The following TCF4 variants were observed in gnomAD, a reference collection of about 807,000 sequenced individuals.
The protein encoded by TCF4 is transcription factor 4.
Under a neutral mutation model 82.1 loss-of-function variants are expected in TCF4, and 3 were observed. The observed-to-expected ratio is 0.04, with a 90% CI of 0.02 to 0.09. The LOEUF (loss-of-function observed/expected upper bound fraction) is 0.09. Among genes scored for constraint, TCF4 ranks in the 10% least tolerant of loss-of-function variants. TCF4 has a pLI of 1.00. For synonymous variants in TCF4, 276 were observed against 309.6 expected (o/e 0.89, Z 1.14); for missense variants, 518 against 852.7 (o/e 0.61, Z 4.89).
At chr18:55,298,301 A>C (rs1169675345) in intron 8 of TCF4, among the ~76,000 whole-genome samples, 1 of 152,218 alleles carries the variant, frequency 6.6e-6, no homozygotes, top group Non-Finnish European at 1.5e-5. Flanking sequence ...AGATATCTCT[A>C]TTCCCTAAAA....
rs1206006117 is a variant in TCF4, at chr18:55,227,662, C to T, written c.*373G>A. ...TTAAATTAAATATTTTTTTTTCAGACTTACAAATTAATTATATTTTTTTTT... is the reference window on the plus strand; with the variant it reads ...TTAAATTAAATATTTTTTTTTCAGATTTACAAATTAATTATATTTTTTTTT... On this transcript the variant is annotated 3_prime_UTR_variant, in exon 20 of 20. Coordinates refer to ENST00000354452, the MANE Select transcript of TCF4 (RefSeq NM_001083962.2). 2.6e-5 allele frequency: 4 copies of T among 151,820 alleles called. No homozygotes were observed. In the East Asian group the frequency reaches 5.8e-4, roughly 22 times the overall value. 9.4% of individuals were successfully genotyped at this position (151,820 alleles called of 1,614,324 possible). A position where few individuals can be genotyped will look rare whatever the true frequency, so the allele number is the denominator to read the frequency against.
intron 3 of TCF4, among the ~76,000 whole-genome samples, chr18:55,471,123 T>C (rs569452642): frequency 6.6e-6 from 1 of 152,204 alleles, no homozygotes; most frequent in Non-Finnish European, 1.5e-5. Context: ...GTTAAGGATG[T>C]GCACATTTTC....
At chr18:55,627,154 T>G (rs779798471) in intron 2 of TCF4, among the ~76,000 whole-genome samples, 6 of 152,166 alleles carry the variant, frequency 3.9e-5, no homozygotes, top group African/African-American at 7.2e-5. Flanking sequence ...ATTTGGTAAC[T>G]CCAATGGCTC....
chr18:55,621,970 T>TTATATATACAC (rs1568501861), intron 2 of TCF4, among the ~76,000 whole-genome samples: 1 of 126,420 alleles, frequency 7.9e-6, no homozygotes. Flanking sequence ...ACACTATATA[T>TTATATATACAC]TATATATTAT....
At chr18:55,560,173 G>A (rs958218940) in intron 3 of TCF4, among the ~76,000 whole-genome samples, 3 of 152,116 alleles carry the variant, frequency 2.0e-5, no homozygotes, top group Non-Finnish European at 4.4e-5. Flanking sequence ...GACGATTTCC[G>A]TAAATGAAGT....
chr18:55,494,050 A>G (rs2096603885), intron 3 of TCF4, among the ~76,000 whole-genome samples: 1 of 151,904 alleles, frequency 6.6e-6, no homozygotes, highest in Non-Finnish European at 1.5e-5. Context: ...CTTTGCATAT[A>G]CTCCCCTACT....
chr18:55,559,150 C>CAAAAAA (rs748464132), intron 3 of TCF4, among the ~76,000 whole-genome samples: 1 of 56,192 alleles, frequency 1.8e-5, no homozygotes. Context: ...TTCCCCAAAG[C>CAAAAAA]AAAAAAAAAA....
chr18:55,397,349 A>G (rs1455187654), intron 6 of TCF4, among the ~76,000 whole-genome samples: 1 of 152,216 alleles, frequency 6.6e-6, no homozygotes, highest in Non-Finnish European at 1.5e-5. Context: ...AAACAGCACC[A>G]CAAGGAAACG....
rs748386746 is a variant in TCF4 at position 55,227,375 on chromosome 18, AATATATATTTAT to A, written c.*648_*659del. ...AGCTTACCATAGTCACTAAATTTTTAATATATATTTATATATATATTTATATATATATTTGTC... is the reference window on the plus strand; with the variant it reads ...AGCTTACCATAGTCACTAAATTTTTAATATATATTTATATATATATTTGTC... On this transcript the variant is annotated 3_prime_UTR_variant, in exon 20 of 20. Coordinates refer to ENST00000354452, the MANE Select transcript of TCF4 (RefSeq NM_001083962.2). 4.7e-5 allele frequency: 7 copies of A among 148,848 alleles called. No individual in the cohort carries two copies. The highest frequency in any genetic ancestry group is 9.8e-5 in the African/African-American group (4 of 40,938). The allele number at this position is 148,848 out of a possible 1,614,324, so 9.2% of individuals were successfully genotyped here.
chr18:55,276,936 G>A (rs1214969868), intron 9 of TCF4, among the ~76,000 whole-genome samples: 3 of 152,144 alleles, frequency 2.0e-5, no homozygotes, highest in Non-Finnish European at 2.9e-5. Flanking sequence ...GGAATAGTTT[G>A]CAGATTCCTC....
intron 11 of TCF4, chr18:55,266,889 C>G (rs1443237792): frequency 6.6e-6 from 1 of 152,148 alleles, no homozygotes; most frequent in African/African-American, 2.4e-5. Context: ...TCCGAGAGTT[C>G]TAGAGCTTGT....
intron 2 of TCF4, among the ~76,000 whole-genome samples, chr18:55,612,457 TATC>T (rs550116193): frequency 8.5e-5 from 13 of 152,200 alleles, no homozygotes; most frequent in Non-Finnish European, 1.9e-4. Flanking sequence ...GCCTCAGTTT[TATC>T]ATAGATTACA....
chr18:55,521,846 A>G (rs1172045368), intron 3 of TCF4, among the ~76,000 whole-genome samples: 4 of 152,286 alleles, frequency 2.6e-5, no homozygotes, highest in Non-Finnish European at 4.4e-5. Flanking sequence ...TAACTACTGG[A>G]AGACCGCTGC....
chr18:55,607,473 CCTTT>C (rs2097703183), intron 2 of TCF4, among the ~76,000 whole-genome samples: 1 of 152,156 alleles, frequency 6.6e-6, no homozygotes, highest in South Asian at 2.1e-4. Context: ...CTCCAGGCTG[CCTTT>C]CTTCAGCAAA....
At chr18:55,590,848 G>T (rs973449765), upstream of TCF4, among the ~76,000 whole-genome samples, 21 of 152,230 alleles carry the variant, frequency 1.4e-4, no homozygotes, top group African/African-American at 4.6e-4. Flanking sequence ...TATTACTACT[G>T]TAATTTGTAT....
At chr18:55,510,637 A>C (rs1325553221) in intron 3 of TCF4, 1 of 1,513,622 alleles carries the variant, frequency 6.6e-7, no homozygotes, top group Non-Finnish European at 8.8e-7. Context: ...ATATCTGGTG[A>C]TTAAAATTCT....
At chr18:55,342,502 C>T (rs2080212818) in intron 8 of TCF4, among the ~76,000 whole-genome samples, 1 of 152,078 alleles carries the variant, frequency 6.6e-6, no homozygotes, top group Non-Finnish European at 1.5e-5. Flanking sequence ...AGATACAGAA[C>T]TGTGCTTTTC....
intron 3 of TCF4, among the ~76,000 whole-genome samples, chr18:55,519,433 C>CAAAAAA (rs34106037): frequency 1.7e-5 from 2 of 116,842 alleles, no homozygotes; most frequent in Non-Finnish European, 1.8e-5. Flanking sequence ...GACCCCGTCT[C>CAAAAAA]AAAAAAAGAA....
At chr18:55,395,985 G>A (rs558926622) in intron 6 of TCF4, among the ~76,000 whole-genome samples, 3 of 152,108 alleles carry the variant, frequency 2.0e-5, no homozygotes, top group South Asian at 4.2e-4. Context: ...CCTCCGCTAT[G>A]CCTTTCCCTA....
Sources: gnomAD v4.1 joint callset for allele counts (sites outside exome capture counted in the v4.1 genomes callset) on GRCh38, gnomAD v4.1.1 for gene constraint, MANE v1.5 for transcripts, NCBI Gene and HGNC (gene_info 2026-07-23, HGNC 2026-07-21) for gene names.